The following SERPINB8 variants were observed in gnomAD, a reference collection of about 807,000 sequenced individuals.
The protein encoded by SERPINB8 is serpin B8.
SERPINB8 carries 25 observed loss-of-function variants against 35.3 expected under a neutral mutation model. The observed-to-expected ratio is 0.71, with a 90% confidence interval of 0.52 to 0.99. The LOEUF (loss-of-function observed/expected upper bound fraction) is 0.99. SERPINB8 is among the 50% of genes least tolerant of loss of function. The probability of loss-of-function intolerance (pLI) is 0.00; values close to 1 mark genes in which losing one functional copy is unlikely to be tolerated. For synonymous variants in SERPINB8, 186 were observed against 160.8 expected (o/e 1.16, Z -1.19); for missense variants, 484 against 446.5 (o/e 1.08, Z -0.76).
chr18:64,018,708 T>C (rs929689742), intron 7 of SERPINB8, among the ~76,000 whole-genome samples: 2 of 152,152 alleles, frequency 1.3e-5, no homozygotes, highest in African/African-American at 4.8e-5. Flanking sequence ...ACAAAGGGAA[T>C]ACAGGGAAAA....
At chr18:64,005,364 G>A (rs2050894915) in exon 2 of SERPINB8, 1 of 152,220 alleles carries the variant, frequency 6.6e-6, no homozygotes, top group African/African-American at 2.4e-5. Context: ...TAACCTGAAT[G>A]CCGTCTTCCA....
intron 3 of SERPINB8, among the ~76,000 whole-genome samples, chr18:63,981,097 A>G (rs1381468284): frequency 6.6e-6 from 1 of 152,208 alleles, no homozygotes. Flanking sequence ...ACATGTACAC[A>G]TGTGCACTCA....
chr18:64,013,961 C>CTTA (rs2050937935), intron 7 of SERPINB8, among the ~76,000 whole-genome samples: 1 of 152,168 alleles, frequency 6.6e-6, no homozygotes, highest in Non-Finnish European at 1.5e-5. Flanking sequence ...AGGAAAAAGA[C>CTTA]TTATATTCAT....
Position 64,014,561 on chromosome 18 carries a change from GC to G in SERPINB8, c.*3-4347del, listed in dbSNP as rs1398027623. Among the ~76,000 whole-genome samples the G allele has an allele frequency of 3.9e-5, 6 of 152,230 alleles. No homozygotes were observed. In the East Asian group the frequency reaches 1.2e-3, roughly 29 times the overall value. ...CATCCTATCAGCAATCCTTCCTCATGCCAACTCTCTCAGTCTTTTCATGCCA... is the reference window on the plus strand; with the variant it reads ...CATCCTATCAGCAATCCTTCCTCATGCAACTCTCTCAGTCTTTTCATGCCA... On this transcript the variant is annotated intron_variant, in intron 7 of 7. Transcript: ENST00000636430.
intron 3 of SERPINB8, among the ~76,000 whole-genome samples, chr18:63,980,475 C>A (rs1182083682): frequency 6.6e-6 from 1 of 152,192 alleles, no homozygotes; most frequent in Middle Eastern, 3.2e-3. Context: ...AAAAATCATG[C>A]CACCTGATAT....
At chr18:63,971,257 G>A (rs2050475200) in intron 1 of SERPINB8, among the ~76,000 whole-genome samples, 1 of 152,238 alleles carries the variant, frequency 6.6e-6, no homozygotes, top group African/African-American at 2.4e-5. Context: ...CTTCCCTTGT[G>A]CCTCCACTAG....
chr18:63,985,353 A>G, intron 6 of SERPINB8, 108 bp downstream of exon 6: 1 of 1,217,694 alleles, frequency 8.2e-7, no homozygotes. Flanking sequence ...GGGTTATTAC[A>G]GGCAGTGCTG....
chr18:64,007,320 T>G (rs1371487114), downstream of SERPINB8, among the ~76,000 whole-genome samples: 1 of 152,104 alleles, frequency 6.6e-6, no homozygotes, highest in Non-Finnish European at 1.5e-5. Context: ...TTTAAAAAAT[T>G]AAATCAAAAA....
downstream of SERPINB8, among the ~76,000 whole-genome samples, chr18:63,991,329 A>C (rs181055436): frequency 6.6e-6 from 1 of 152,318 alleles, no homozygotes; most frequent in East Asian, 1.9e-4. Flanking sequence ...AGCAATATTG[A>C]GTCTTCCAAC....
intron 1 of SERPINB8, among the ~76,000 whole-genome samples, chr18:63,975,448 G>C (rs1393791605): frequency 6.6e-6 from 1 of 152,178 alleles, no homozygotes. Flanking sequence ...GAGGTCTTAT[G>C]ATGTGAGGAT....
downstream of SERPINB8, among the ~76,000 whole-genome samples, chr18:63,993,371 T>G (rs2144834768): frequency 6.6e-6 from 1 of 152,360 alleles, no homozygotes; most frequent in Middle Eastern, 3.4e-3. Flanking sequence ...TCCAAAGATT[T>G]TATGTTATTG....
intron 7 of SERPINB8, among the ~76,000 whole-genome samples, chr18:64,014,482 C>T (rs2050940532): frequency 6.6e-6 from 1 of 152,000 alleles, no homozygotes. Context: ...GATGAAAGGG[C>T]CCTGGGAATG....
intron 6 of SERPINB8, chr18:63,986,224 C>G: frequency 6.2e-7 from 1 of 1,607,026 alleles, no homozygotes; most frequent in Non-Finnish European, 8.5e-7. Flanking sequence ...GAAGGCCTTT[C>G]TCCCTTTTTT....
chr18:63,996,167 T>A (rs761715572), intron 1 of SERPINB8, among the ~76,000 whole-genome samples: 1 of 152,240 alleles, frequency 6.6e-6, no homozygotes, highest in Non-Finnish European at 1.5e-5. Context: ...TTAATTTATA[T>A]GCTTTTTCAA....
chr18:63,980,036 C>A (rs1174581202), intron 3 of SERPINB8, 98 bp downstream of exon 3: 4 of 1,180,948 alleles, frequency 3.4e-6, no homozygotes, highest in African/African-American at 3.1e-5. Context: ...TTAAAACGTG[C>A]TTGGAATTAC....
downstream of SERPINB8, among the ~76,000 whole-genome samples, chr18:63,992,460 C>T (rs2050829511): frequency 1.3e-5 from 2 of 152,174 alleles, no homozygotes; most frequent in Admixed American, 6.5e-5. Flanking sequence ...CCATCGCTCT[C>T]ATTTCTGAGA....
intron 7 of SERPINB8, among the ~76,000 whole-genome samples, chr18:64,013,329 G>A (rs1458171541): frequency 6.6e-6 from 1 of 151,946 alleles, no homozygotes; most frequent in Non-Finnish European, 1.5e-5. Flanking sequence ...TATTACTTTC[G>A]GAAATCAACC....
intron 7 of SERPINB8, among the ~76,000 whole-genome samples, chr18:64,017,631 G>C (rs1488670718): frequency 6.6e-6 from 1 of 152,068 alleles, no homozygotes; most frequent in Non-Finnish European, 1.5e-5. Flanking sequence ...ACTTATTACT[G>C]AGAGATTTGA....
At chr18:63,984,158 T>A (rs1320705064) in intron 5 of SERPINB8, among the ~76,000 whole-genome samples, 2 of 152,368 alleles carry the variant, frequency 1.3e-5, no homozygotes, top group East Asian at 3.9e-4. Context: ...CTTTTCTGAA[T>A]GAATTTAATG....
Sources: gnomAD v4.1 joint callset for allele counts (sites outside exome capture counted in the v4.1 genomes callset) on GRCh38, gnomAD v4.1.1 for gene constraint, MANE v1.5 for transcripts, NCBI Gene and HGNC (gene_info 2026-07-23, HGNC 2026-07-21) for gene names.